The following MICAL3 variants were observed in gnomAD, a reference collection of about 807,000 sequenced individuals.
The protein encoded by MICAL3 is microtubule associated monooxygenase, calponin and LIM domain containing 3.
MICAL3 carries 62 observed loss-of-function variants against 207.4 expected under a neutral mutation model. The observed-to-expected ratio is 0.30, with a 90% confidence interval of 0.24 to 0.37. The LOEUF is 0.37. Among genes scored for constraint, MICAL3 ranks in the 10% least tolerant of loss-of-function variants. MICAL3 has a pLI of 1.00. For synonymous variants in MICAL3, 1,077 were observed against 1,069.3 expected, an observed-to-expected ratio of 1.01 and a Z score of -0.14; for missense variants, 2,368 against 2,635.6, an observed-to-expected ratio of 0.90 and a Z score of 2.22.
At chr22:17,808,991 G>A (rs2062015633) in intron 28 of MICAL3, 54 bp from the exon 29 acceptor site, 4 of 1,422,354 alleles carry the variant, frequency 2.8e-6, no homozygotes, top group East Asian at 2.5e-5. Context: ...GCTTCAGGAG[G>A]ACACACAACT....
chr22:17,960,046 T>C (rs769417102), intron 1 of MICAL3, among the ~76,000 whole-genome samples: 6 of 152,160 alleles, frequency 3.9e-5, no homozygotes, highest in Non-Finnish European at 7.4e-5. Context: ...GAGGCTTCTC[T>C]CTCAGCCTCA....
chr22:17,808,822 T>C (rs896529296), intron 29 of MICAL3, 22 bp downstream of exon 29: 3 of 1,545,524 alleles, frequency 1.9e-6, no homozygotes, highest in Admixed American at 3.9e-5. Flanking sequence ...GGAGCAGAGC[T>C]TAGGAGGGAG....
intron 1 of MICAL3, among the ~76,000 whole-genome samples, chr22:17,975,246 G>A (rs749799230): frequency 7.9e-5 from 12 of 152,120 alleles, no homozygotes; most frequent in South Asian, 2.1e-4. Flanking sequence ...ATCGTGTGAT[G>A]GGAAGTGGCT....
chr22:17,877,252 GGGAGGTTAGGGAAGTTAT>G (rs1569110087), intron 16 of MICAL3, among the ~76,000 whole-genome samples: 26 of 18,348 alleles, frequency 1.4e-3, no homozygotes, highest in East Asian at 1.9e-3. Context: ...AGGGAGGTTA[GGGAGGTTAGGGAAGTTAT>G]GGAGGTTAGG....
At chr22:17,923,707 C>T (rs5747420) in intron 1 of MICAL3, among the ~76,000 whole-genome samples, 55,153 of 152,148 alleles carry the variant, frequency 0.36, 10,628 homozygotes, top group South Asian at 0.5. Flanking sequence ...CTTTGGCTTG[C>T]TCCAAGGACT....
chr22:17,981,640 G>A (rs1935912844), intron 1 of MICAL3, among the ~76,000 whole-genome samples: 1 of 152,116 alleles, frequency 6.6e-6, no homozygotes, highest in Non-Finnish European at 1.5e-5. Flanking sequence ...CATGACATGT[G>A]AGCGCAGACA....
intron 16 of MICAL3, chr22:17,881,448 G>A: frequency 1.6e-6 from 1 of 641,194 alleles, no homozygotes; most frequent in South Asian, 2.0e-5. Context: ...GGGCAGCCCA[G>A]TGGTCTCCCG....
chr22:17,974,146 G>A (rs939415599), intron 1 of MICAL3, among the ~76,000 whole-genome samples: 1 of 152,170 alleles, frequency 6.6e-6, no homozygotes, highest in Non-Finnish European at 1.5e-5. Flanking sequence ...ACACAGGTAA[G>A]GAAAGTGACG....
At chr22:17,875,651 C>CCTG in intron 16 of MICAL3, 1 of 431,936 alleles carries the variant, frequency 2.3e-6, no homozygotes, top group South Asian at 2.1e-5. Context: ...GAGCCTTTTA[C>CCTG]TCTAGACCTT....
chr22:18,023,414 C>G (rs1040739857), intron 1 of MICAL3, among the ~76,000 whole-genome samples: 2 of 149,790 alleles, frequency 1.3e-5, no homozygotes, highest in African/African-American at 4.9e-5. Flanking sequence ...CAGCTTGTCT[C>G]GGTTTCACCC....
chr22:17,830,915 G>C (rs572210468), intron 21 of MICAL3, among the ~76,000 whole-genome samples: 1 of 152,228 alleles, frequency 6.6e-6, no homozygotes, highest in Non-Finnish European at 1.5e-5. Context: ...TCAGGAACAT[G>C]AGCCCTGTCA....
chr22:17,867,612 G>A (rs1375606209), intron 17 of MICAL3, among the ~76,000 whole-genome samples: 1 of 152,176 alleles, frequency 6.6e-6, no homozygotes, highest in Non-Finnish European at 1.5e-5. Flanking sequence ...CAGGCCGCTC[G>A]GCAACTCACT....
At chr22:17,826,514 G>A (rs757774432) in intron 22 of MICAL3, 6 of 985,772 alleles carry the variant, frequency 6.1e-6, no homozygotes, top group Non-Finnish European at 7.2e-6. Flanking sequence ...GGAAGGTCGG[G>A]CACTGAATTT....
chr22:17,866,614 A>AGAATG (rs1470956390), intron 17 of MICAL3, among the ~76,000 whole-genome samples: 18 of 59,140 alleles, frequency 3.0e-4, no homozygotes, highest in African/African-American at 1.1e-3. Flanking sequence ...AGAACAGAAC[A>AGAATG]GAATAGAATA....
At chr22:17,792,984 C>T (rs891471718) in intron 29 of MICAL3, among the ~76,000 whole-genome samples, 1 of 152,222 alleles carries the variant, frequency 6.6e-6, no homozygotes, top group Admixed American at 6.5e-5. Context: ...CTGTCCAGTG[C>T]GCCCGGCCAC....
chr22:17,956,069 G>C (rs956607059), intron 1 of MICAL3, among the ~76,000 whole-genome samples: 5 of 152,194 alleles, frequency 3.3e-5, no homozygotes, highest in African/African-American at 9.6e-5. Flanking sequence ...TGAAATTCCT[G>C]GTCTTATAGG....
chr22:17,950,770 T>C (rs1404514083), intron 1 of MICAL3, among the ~76,000 whole-genome samples: 1 of 152,214 alleles, frequency 6.6e-6, no homozygotes, highest in Middle Eastern at 3.2e-3. Context: ...GAACGACTGC[T>C]GTTGCTGATC....
chr22:17,904,127 A>G (rs2146263100), intron 3 of MICAL3, among the ~76,000 whole-genome samples: 1 of 152,346 alleles, frequency 6.6e-6, no homozygotes, highest in South Asian at 2.1e-4. Context: ...CTTGCCATTA[A>G]CGGCCAGGCC....
At chr22:17,861,358 G>C (rs1455450687) in intron 19 of MICAL3, 37 of 985,426 alleles carry the variant, frequency 3.8e-5, no homozygotes, top group Non-Finnish European at 4.2e-5. Context: ...TTTAACTTCA[G>C]ATCATCTTTT....
Sources: allele counts gnomAD v4.1 joint callset (sites outside exome capture counted in the v4.1 genomes callset), GRCh38; gene constraint gnomAD v4.1.1; transcripts MANE v1.5; gene names NCBI Gene and HGNC (gene_info 2026-07-23, HGNC 2026-07-21).